The following NTN1 variants were observed in gnomAD, a reference collection of about 807,000 sequenced individuals.
NTN1 encodes the protein netrin 1, also known as netrin-1.
Under a neutral mutation model 54.2 loss-of-function variants are expected in NTN1, and 11 were observed. That is an observed-to-expected ratio of 0.20 (90% CI 0.13 to 0.34). The LOEUF (loss-of-function observed/expected upper bound fraction) is 0.34, where lower values mean the gene tolerates loss of function less well. Among genes scored for constraint, NTN1 ranks in the 10% least tolerant of loss-of-function variants. The pLI, the probability that NTN1 is intolerant of heterozygous loss-of-function variation, is 1.00. For synonymous variants in NTN1, 371 were observed against 382.0 expected, an observed-to-expected ratio of 0.97 and a Z score of 0.33; for missense variants, 740 against 893.1, an observed-to-expected ratio of 0.83 and a Z score of 2.18.
chr17:9,189,584 T>G (rs998653840), intron 5 of NTN1, among the ~76,000 whole-genome samples: 1 of 152,048 alleles, frequency 6.6e-6, no homozygotes, highest in Non-Finnish European at 1.5e-5. Context: ...ACTCCTGACC[T>G]CATGATCTGC....
At chr17:9,121,152 C>T (rs1328741620) in intron 2 of NTN1, among the ~76,000 whole-genome samples, 1 of 152,066 alleles carries the variant, frequency 6.6e-6, no homozygotes, top group African/African-American at 2.4e-5. Context: ...ATTAAAAATC[C>T]CTGCAGCCGC....
intron 5 of NTN1, among the ~76,000 whole-genome samples, chr17:9,199,362 G>GCAT (rs1904722454): frequency 1.3e-5 from 2 of 152,212 alleles, no homozygotes; most frequent in Non-Finnish European, 2.9e-5. Context: ...GGCTGGTCTT[G>GCAT]AAGTCCTGAC....
At chr17:9,227,440 C>T (rs913237643) in intron 6 of NTN1, among the ~76,000 whole-genome samples, 2 of 148,198 alleles carry the variant, frequency 1.3e-5, no homozygotes, top group African/African-American at 2.5e-5. Context: ...CATCACACCA[C>T]ACATCAGATA....
chr17:9,204,640 C>T (rs746362688), intron 5 of NTN1, among the ~76,000 whole-genome samples: 6 of 152,158 alleles, frequency 3.9e-5, no homozygotes, highest in African/African-American at 7.2e-5. Context: ...GTCTATCAGT[C>T]GGTGGCAAAT....
chr17:9,133,621 C>CTCTG (rs2092272282), intron 2 of NTN1, among the ~76,000 whole-genome samples: 1 of 144,446 alleles, frequency 6.9e-6, no homozygotes, highest in Non-Finnish European at 1.5e-5. Flanking sequence ...CAGAGTCTTG[C>CTCTG]TCTGTCGCCA....
intron 3 of NTN1, chr17:9,176,639 C>A (rs2092400781): frequency 6.6e-6 from 1 of 152,194 alleles, no homozygotes; most frequent in Non-Finnish European, 1.5e-5. Context: ...AGGAAAAGTT[C>A]TTTGGGTAAT....
intron 2 of NTN1, among the ~76,000 whole-genome samples, chr17:9,110,524 T>A (rs1162667421): frequency 6.6e-6 from 1 of 151,952 alleles, no homozygotes; most frequent in African/African-American, 2.4e-5. Flanking sequence ...CCTGCCTTCT[T>A]GGCCTCCCAA....
chr17:9,186,692 T>G (rs905062438), intron 5 of NTN1, among the ~76,000 whole-genome samples: 2 of 152,024 alleles, frequency 1.3e-5, no homozygotes, highest in East Asian at 3.9e-4. Flanking sequence ...CACACTCAGG[T>G]GCTACCAGGC....
intron 2 of NTN1, among the ~76,000 whole-genome samples, chr17:9,029,641 T>C (rs998722253): frequency 4.6e-5 from 7 of 152,364 alleles, no homozygotes; most frequent in Non-Finnish European, 8.8e-5. Context: ...CCTGTCTCCT[T>C]ACTCCAAAAA....
At chr17:9,012,038 T>C in the NTN1 span, among the ~76,000 whole-genome samples, 1 of 152,160 alleles carries the variant, frequency 6.6e-6, no homozygotes, top group African/African-American at 2.4e-5. Context: ...AAAGAATAGT[T>C]CCTTCCTCAG....
At chr17:9,106,154 C>T (rs975871683) in intron 2 of NTN1, among the ~76,000 whole-genome samples, 3 of 152,212 alleles carry the variant, frequency 2.0e-5, no homozygotes, top group Non-Finnish European at 4.4e-5. Flanking sequence ...TGGGAAGTGA[C>T]TTGTCTGTGA....
At chr17:9,226,507 CGTGGGG>C (rs1471646014) in intron 6 of NTN1, among the ~76,000 whole-genome samples, 4 of 34,164 alleles carry the variant, frequency 1.2e-4, no homozygotes, top group South Asian at 9.5e-4. Context: ...GAGGTGGTCT[CGTGGGG>C]AGGTGGTCTC....
intron 2 of NTN1, among the ~76,000 whole-genome samples, chr17:9,045,143 G>T (rs1182698285): frequency 6.6e-6 from 1 of 152,216 alleles, no homozygotes; most frequent in East Asian, 1.9e-4. Context: ...AAGCAAAGAA[G>T]AGGCCAGAAT....
At chr17:9,227,429 CCAT>C (rs1299365631) in intron 6 of NTN1, among the ~76,000 whole-genome samples, 3 of 149,328 alleles carry the variant, frequency 2.0e-5, no homozygotes, top group African/African-American at 5.0e-5. Flanking sequence ...CATACATACA[CCAT>C]CACACCACAC....
intron 2 of NTN1, among the ~76,000 whole-genome samples, chr17:9,159,872 A>G (rs183127672): frequency 6.6e-6 from 1 of 152,320 alleles, no homozygotes; most frequent in East Asian, 1.9e-4. Flanking sequence ...CAGTAATTCC[A>G]TCTAGAGAAA....
intron 6 of NTN1, among the ~76,000 whole-genome samples, chr17:9,228,871 T>TGTGA (rs1337680235): frequency 8.3e-4 from 6 of 7,220 alleles, no homozygotes; most frequent in African/African-American, 4.0e-3. Context: ...TGAGAGTGTG[T>TGTGA]CTGTGTGTGA....
At chr17:9,062,914 CAT>C (rs1358944408) in intron 2 of NTN1, among the ~76,000 whole-genome samples, 1 of 152,100 alleles carries the variant, frequency 6.6e-6, no homozygotes, top group Non-Finnish European at 1.5e-5. Flanking sequence ...TTGTGGGAAA[CAT>C]TTTCAGAATG....
chr17:9,196,774 G>A (rs1217396299), intron 5 of NTN1, among the ~76,000 whole-genome samples: 4 of 152,154 alleles, frequency 2.6e-5, no homozygotes, highest in African/African-American at 9.7e-5. Context: ...GTGTATTGTG[G>A]GATTAAGGAA....
intron 2 of NTN1, among the ~76,000 whole-genome samples, chr17:9,109,925 T>C (rs1211472393): frequency 1.3e-5 from 2 of 152,262 alleles, no homozygotes; most frequent in East Asian, 3.8e-4. Flanking sequence ...TGCTGTGACA[T>C]GCATATTCAT....
Sources: gnomAD v4.1 joint callset for allele counts (sites outside exome capture counted in the v4.1 genomes callset) on GRCh38, gnomAD v4.1.1 for gene constraint, MANE v1.5 for transcripts, NCBI Gene and HGNC (gene_info 2026-07-23, HGNC 2026-07-21) for gene names.